CWC22: variants seen among roughly 807,000 people sequenced by gnomAD.
CWC22 encodes CWC22 spliceosome associated protein, also known as pre-mRNA-splicing factor CWC22 homolog.
Under a neutral mutation model 117.2 loss-of-function variants are expected in CWC22, and 53 were observed. The ratio of observed to expected loss-of-function variants is 0.45; its 90% CI spans 0.36 to 0.57. CWC22 has a LOEUF of 0.57. Among genes scored for constraint, CWC22 ranks in the 20% least tolerant of loss-of-function variants. The probability of loss-of-function intolerance (pLI) is 0.00; values close to 1 mark genes in which losing one functional copy is unlikely to be tolerated. For synonymous variants in CWC22, 360 were observed against 355.6 expected (o/e 1.01, Z -0.14); for missense variants, 980 against 1,068.8 (o/e 0.92, Z 1.16).
At position 179,945,466 on chromosome 2, in the gene CWC22, T is replaced by C; in HGVS notation, c.2390A>G (p.Tyr797Cys). 1 of 1,612,892 alleles carries C rather than the reference T, an allele frequency of 6.2e-7. No homozygotes were observed. The highest frequency in any genetic ancestry group is 8.5e-7 in the Non-Finnish European group (1 of 1,179,128). ...DKDVPSERNN[Y>C]SRVANDRDQE... ...GTCTCTGTCATTCGCAACTCTACTG[T>C]AGTTATTTCGTTCAGAAGGAACATC... The change falls in exon 20 of 20, where the codon TAC (tyrosine) becomes TGC (cysteine). Residue 797 changes from tyrosine to cysteine, a missense_variant. By Grantham distance (194) the Tyr-to-Cys change is radical. Coordinates refer to ENST00000410053, the MANE Select transcript of CWC22 (RefSeq NM_020943.3).
At chr2:179,957,104 T>C (rs2105513142) in intron 14 of CWC22, among the ~76,000 whole-genome samples, 1 of 152,286 alleles carries the variant, frequency 6.6e-6, no homozygotes, top group African/African-American at 2.4e-5. Context: ...ATTAATACAA[T>C]TTATGATGGC....
intron 2 of CWC22, among the ~76,000 whole-genome samples, chr2:179,991,317 T>C (rs1394317962): frequency 1.3e-5 from 2 of 152,150 alleles, no homozygotes; most frequent in African/African-American, 4.8e-5. Flanking sequence ...GGATTCTCAG[T>C]TGAAGCCTTA....
chr2:179,970,358 C>A (rs1222487984), intron 11 of CWC22, 143 bp downstream of exon 11: 4 of 898,280 alleles, frequency 4.5e-6, no homozygotes, highest in South Asian at 2.2e-5. Flanking sequence ...AAAATAATGC[C>A]CGAGGAAACA....
chr2:180,003,834 C>T (rs1000429995), intron 1 of CWC22, among the ~76,000 whole-genome samples: 2 of 152,162 alleles, frequency 1.3e-5, no homozygotes, highest in African/African-American at 4.8e-5. Context: ...CCAAGGCAGC[C>T]CATACCCCGT....
chr2:179,997,369 T>C (rs989557026), intron 1 of CWC22, among the ~76,000 whole-genome samples: 1 of 151,360 alleles, frequency 6.6e-6, no homozygotes, highest in Non-Finnish European at 1.5e-5. Flanking sequence ...CAAATTAAAA[T>C]AGAATTTTAA....
At chr2:179,965,378 T>C (rs1340522706) in intron 12 of CWC22, among the ~76,000 whole-genome samples, 2 of 152,208 alleles carry the variant, frequency 1.3e-5, no homozygotes, top group Non-Finnish European at 2.9e-5. Context: ...TCCGAGCTTA[T>C]TTCTGTGAAA....
intron 19 of CWC22, among the ~76,000 whole-genome samples, chr2:179,948,512 T>TC (rs1686366356): frequency 6.6e-6 from 1 of 152,158 alleles, no homozygotes; most frequent in African/African-American, 2.4e-5. Context: ...AGAAAAATAG[T>TC]TTCCCTGAAG....
chr2:179,953,581 A>G (rs1338264049), intron 16 of CWC22, among the ~76,000 whole-genome samples: 2 of 152,160 alleles, frequency 1.3e-5, no homozygotes, highest in South Asian at 2.1e-4. Context: ...GACTCAGTAT[A>G]TAAGTGGTGG....
At chr2:179,960,200 T>G (rs1004008032) in intron 13 of CWC22, among the ~76,000 whole-genome samples, 15 of 152,006 alleles carry the variant, frequency 9.9e-5, no homozygotes, top group Non-Finnish European at 2.1e-4. Context: ...ATATAATGAA[T>G]TTATTAAATG....
Position 179,997,214 on chromosome 2 carries a change from C to T in CWC22, c.-113-3760G>A, listed in dbSNP as rs538325953. Among the ~76,000 whole-genome samples, 7 of 151,908 alleles carry T rather than the reference C, an allele frequency of 4.6e-5. No homozygotes were observed. In the South Asian group the frequency reaches 1.5e-3, roughly 32 times the overall value. On this transcript the variant is annotated intron_variant, in intron 1 of 19. Transcript: ENST00000410053. ...TATAGAACTAGCGACCAAAATGGAT[C>T]TACACTATGCAAGGTTTTCTACATC...
At chr2:179,990,358 C>A (rs769979423) in intron 2 of CWC22, among the ~76,000 whole-genome samples, 11 of 152,050 alleles carry the variant, frequency 7.2e-5, no homozygotes, top group Non-Finnish European at 1.5e-4. Flanking sequence ...ACATAAAATA[C>A]AATATTTATA....
chr2:179,998,729 A>G (rs1687771889), intron 1 of CWC22, among the ~76,000 whole-genome samples: 3 of 151,944 alleles, frequency 2.0e-5, no homozygotes, highest in African/African-American at 4.8e-5. Context: ...ATTCATAGTA[A>G]TTTTAAGGAT....
At chr2:179,971,590 TAAC>T (rs1200542954) in intron 8 of CWC22, among the ~76,000 whole-genome samples, 4 of 152,140 alleles carry the variant, frequency 2.6e-5, no homozygotes, top group African/African-American at 7.2e-5. Flanking sequence ...CAAAATATCT[TAAC>T]AACTTCTGGA....
At chr2:179,973,828 A>G in intron 6 of CWC22, 26 bp from the exon 7 acceptor site, 1 of 1,417,960 alleles carries the variant, frequency 7.1e-7, no homozygotes, top group South Asian at 1.5e-5. Flanking sequence ...TTTAAAAAGG[A>G]GTCAACAATA....
At chr2:179,953,384 G>A (rs1218924371) in intron 16 of CWC22, among the ~76,000 whole-genome samples, 1 of 152,042 alleles carries the variant, frequency 6.6e-6, no homozygotes, top group Non-Finnish European at 1.5e-5. Flanking sequence ...CCTCCTGGAT[G>A]TAATTTCTCA....
intron 12 of CWC22, 46 bp from the exon 13 acceptor site, chr2:179,964,674 A>T (rs1686845093): frequency 9.9e-7 from 1 of 1,006,102 alleles, no homozygotes; most frequent in South Asian, 1.5e-5. Context: ...AATAAATGTG[A>T]TGAAGTTAAA....
At chr2:179,956,587 T>C (rs1686596727) in intron 14 of CWC22, among the ~76,000 whole-genome samples, 1 of 150,028 alleles carries the variant, frequency 6.7e-6, no homozygotes, top group South Asian at 2.1e-4. Flanking sequence ...TTGTGCTATA[T>C]ATATATATAA....
chr2:179,976,597 A>AACG (rs61031905), intron 6 of CWC22, among the ~76,000 whole-genome samples: 36,578 of 151,970 alleles, frequency 0.24, 5,019 homozygotes, highest in East Asian at 0.46. Flanking sequence ...AAAATGAGCA[A>AACG]ACAAGAACAG....
At chr2:179,987,174 A>C (rs994943190) in intron 3 of CWC22, among the ~76,000 whole-genome samples, 7 of 152,216 alleles carry the variant, frequency 4.6e-5, no homozygotes, top group Admixed American at 4.6e-4. Context: ...CACTGAATGT[A>C]TGAGACCAAG....
Sources: allele counts gnomAD v4.1 joint callset (sites outside exome capture counted in the v4.1 genomes callset), GRCh38; gene constraint gnomAD v4.1.1; transcripts MANE v1.5; gene names NCBI Gene and HGNC (gene_info 2026-07-23, HGNC 2026-07-21).